Variants in FAM114A1 observed in about 807,000 individuals in gnomAD.
The protein encoded by FAM114A1 is protein NOXP20.
Under a neutral mutation model 64.3 loss-of-function variants are expected in FAM114A1, and 62 were observed. The observed-to-expected ratio is 0.96, with a 90% CI of 0.79 to 1.19. The LOEUF is 1.19. Among genes scored for constraint, FAM114A1 ranks in the 50% most tolerant of loss-of-function variants. The pLI is 0.00. For synonymous variants in FAM114A1, 254 were observed against 251.1 expected, an observed-to-expected ratio of 1.01 and a Z score of -0.11; for missense variants, 645 against 676.3, an observed-to-expected ratio of 0.95 and a Z score of 0.51.
chr4:38,874,116 C>T (rs56123046), intron 2 of FAM114A1, among the ~76,000 whole-genome samples: 38,164 of 152,042 alleles, frequency 0.25, 5,377 homozygotes, highest in Non-Finnish European at 0.28. Context: ...TGATAGGGCT[C>T]TGATGTGGTT....
At chr4:38,943,352 A>C in intron 14 of FAM114A1, 104 bp from the exon 15 acceptor site, 1 of 855,272 alleles carries the variant, frequency 1.2e-6, no homozygotes, top group East Asian at 2.7e-5. Context: ...AATATAATCC[A>C]ATATGGGGGG....
At chr4:38,927,529 G>A (rs2109771381) in intron 9 of FAM114A1, among the ~76,000 whole-genome samples, 1 of 152,166 alleles carries the variant, frequency 6.6e-6, no homozygotes. Flanking sequence ...TCATCACATT[G>A]GTATTAGGTT....
intron 8 of FAM114A1, among the ~76,000 whole-genome samples, chr4:38,922,468 G>C (rs1719693197): frequency 6.6e-6 from 1 of 152,198 alleles, no homozygotes; most frequent in South Asian, 2.1e-4. Context: ...CACTGTGATA[G>C]AAGAGCTACC....
intron 8 of FAM114A1, among the ~76,000 whole-genome samples, chr4:38,918,058 A>G (rs543711123): frequency 8.2e-4 from 124 of 151,966 alleles, no homozygotes; most frequent in African/African-American, 2.9e-3. Context: ...CTCTACTAAA[A>G]AAAAAAAAAT....
rs546594738 is a variant in FAM114A1, at chr4:38,871,109, C to T, written c.-9+2563C>T. Among the ~76,000 whole-genome samples the T allele has an allele frequency of 8.3e-3, 552 of 66,530 alleles. 4 individuals carry two copies. The highest frequency in any genetic ancestry group is 0.032 in the African/African-American group (504 of 15,846). 43.6% of individuals were successfully genotyped at this position (66,530 alleles called of 152,430 possible). A position where few individuals can be genotyped will look rare whatever the true frequency, so the allele number is the denominator to read the frequency against. ...TTCTTTTTTTTTTTTTTTTTTTTTGCGACAGGGTCTCACACTGTCACCCAG... is the reference window on the plus strand; with the variant it reads ...TTCTTTTTTTTTTTTTTTTTTTTTGTGACAGGGTCTCACACTGTCACCCAG... On this transcript the variant is annotated intron_variant, in intron 2 of 14. Coordinates refer to ENST00000358869, the MANE Select transcript of FAM114A1 (RefSeq NM_138389.4).
intron 8 of FAM114A1, among the ~76,000 whole-genome samples, chr4:38,921,036 G>C (rs9996277): frequency 0.022 from 3,347 of 152,264 alleles, 119 homozygotes; most frequent in African/African-American, 0.076. Flanking sequence ...ACCTCTCTCA[G>C]TTATCCCGAT....
chr4:38,901,010 A>T, intron 4 of FAM114A1, among the ~76,000 whole-genome samples: 1 of 152,360 alleles, frequency 6.6e-6, no homozygotes, highest in South Asian at 2.1e-4. Flanking sequence ...TGGGATTTTT[A>T]AAAGTCTCTT....
At position 38,888,247 on chromosome 4, in the gene FAM114A1, G is replaced by A. The variant is rs552198204; in HGVS notation, c.349-3496G>A. 4.6e-5 allele frequency among the ~76,000 whole-genome samples: 7 copies of A among 151,902 alleles called. No individual in the cohort carries two copies. The South Asian group carries it at 1.5e-3, about 32-fold the overall frequency. The stretch of plus-strand genomic sequence containing the variant: ...TTTAAAGAACGTTGAACTTGGGCCA[G>A]GTGCAGTCACCCGTAATCCTAGCAC... On this transcript the variant is annotated intron_variant, in intron 3 of 14. Transcript: ENST00000358869.
chr4:38,922,991 T>G, intron 9 of FAM114A1, 98 bp downstream of exon 9: 2 of 1,313,802 alleles, frequency 1.5e-6, no homozygotes, highest in Non-Finnish European at 2.1e-6. Context: ...TTAATTCAAG[T>G]GCTCCTCCTC....
chr4:38,900,106 A>C (rs1717363300), intron 4 of FAM114A1, among the ~76,000 whole-genome samples: 1 of 152,108 alleles, frequency 6.6e-6, no homozygotes. Flanking sequence ...GCTCAACACC[A>C]CTAATCATTA....
chr4:38,905,797 C>A lies in FAM114A1; in HGVS notation c.593C>A (p.Pro198His), dbSNP rs1717943713. The A allele has an allele frequency of 6.2e-7, 1 of 1,614,044 alleles. No individual in the cohort carries two copies. The highest frequency in any genetic ancestry group is 8.5e-7 in the Non-Finnish European group (1 of 1,180,016). ...GATCAGGGCCCTGCAGAAAGCCCACCCACTTCCCCTTCATCAGCCTCTCGG... is the reference window on the plus strand; with the variant it reads ...GATCAGGGCCCTGCAGAAAGCCCACACACTTCCCCTTCATCAGCCTCTCGG... ...ATDQGPAESP[P>H]TSPSSASRGM... is the part of the protein sequence containing the mutation. Residue 198 changes from proline to histidine, a missense_variant, in exon 6 of 15, where the codon CCC becomes CAC. Transcript: ENST00000358869.
chr4:38,886,033 A>C (rs756762000), intron 3 of FAM114A1, among the ~76,000 whole-genome samples: 1 of 152,182 alleles, frequency 6.6e-6, no homozygotes, highest in Non-Finnish European at 1.5e-5. Context: ...AGTAAGTAAT[A>C]AAAAGACTAA....
intron 2 of FAM114A1, among the ~76,000 whole-genome samples, chr4:38,876,662 T>A (rs144458762): frequency 5.9e-5 from 9 of 152,242 alleles, no homozygotes; most frequent in Non-Finnish European, 1.5e-5. Context: ...AAATTACAAC[T>A]AACTTCACGG....
intron 12 of FAM114A1, among the ~76,000 whole-genome samples, chr4:38,933,177 G>A (rs1385535246): frequency 6.6e-6 from 1 of 152,090 alleles, no homozygotes; most frequent in East Asian, 1.9e-4. Context: ...TTTAGCAAGT[G>A]CATTATGTTA....
rs371204707 is a variant in FAM114A1 at position 38,891,723 on chromosome 4, G to T, written c.349-20G>T. Reference sequence around the variant, plus strand: ...AGATATACTGAATTTCTGACCTGTGGCTAATTTGTTTTTCTCCAGGCTGTG... The same window carrying T: ...AGATATACTGAATTTCTGACCTGTGTCTAATTTGTTTTTCTCCAGGCTGTG... On this transcript the variant is annotated intron_variant, in intron 3 of 14. Coordinates refer to ENST00000358869, the MANE Select transcript of FAM114A1 (RefSeq NM_138389.4). The T allele has an allele frequency of 6.4e-5, 102 of 1,585,462 alleles. No individual in the cohort carries two copies. Among genetic ancestry groups the T allele is most frequent in the Non-Finnish European group, 8.5e-5 (99 of 1,166,972 alleles).
chr4:38,906,500 G>C (rs1718021349), intron 6 of FAM114A1, among the ~76,000 whole-genome samples: 1 of 152,128 alleles, frequency 6.6e-6, no homozygotes, highest in Non-Finnish European at 1.5e-5. Context: ...CAGGTAGCTG[G>C]TCATCAGGGT....
intron 6 of FAM114A1, 23 bp downstream of exon 6, chr4:38,905,884 T>C: frequency 1.3e-6 from 2 of 1,594,670 alleles, no homozygotes; most frequent in Non-Finnish European, 1.7e-6. Flanking sequence ...CTGCTTCCTC[T>C]CTTTCCCCTG....
rs1046918076 is a variant in FAM114A1, at chr4:38,918,054, T to TA, written c.945+2994dup. On this transcript the variant is annotated intron_variant, in intron 8 of 14. Transcript: ENST00000358869. ...CAACATGATGAAACCCCGTCTCTAC[T>TA]AAAAAAAAAAAAATACAAAATTAGC... Among the ~76,000 whole-genome samples the TA allele has an allele frequency of 5.3e-3, 744 of 141,204 alleles. 4 individuals carry two copies. Among genetic ancestry groups the TA allele is most frequent in the Middle Eastern group, 0.015 (4 of 272 alleles). 92.6% of individuals were successfully genotyped at this position (141,204 alleles called of 152,430 possible).
At chr4:38,928,197 C>G (rs879399419) in intron 9 of FAM114A1, among the ~76,000 whole-genome samples, 1 of 152,202 alleles carries the variant, frequency 6.6e-6, no homozygotes, top group Non-Finnish European at 1.5e-5. Context: ...GCTTAGTCCC[C>G]TCTTCAAGGC....
Sources: allele counts gnomAD v4.1 joint callset (sites outside exome capture counted in the v4.1 genomes callset), GRCh38; gene constraint gnomAD v4.1.1; transcripts MANE v1.5; gene names NCBI Gene and HGNC (gene_info 2026-07-23, HGNC 2026-07-21).